FAF2: variants seen among roughly 807,000 people sequenced by gnomAD.
The protein encoded by FAF2 is Fas associated factor family member 2.
In FAF2, 9 loss-of-function variants were observed where a neutral mutation model predicts 62.3. That is an observed-to-expected ratio of 0.14 (90% confidence interval 0.09 to 0.25). FAF2 has a LOEUF of 0.25. Among genes scored for constraint, FAF2 ranks in the 10% least tolerant of loss-of-function variants. The pLI is 1.00. For missense variants in FAF2, 368 were observed against 556.2 expected (o/e 0.66, Z 3.40); for synonymous variants, 202 against 198.0 (o/e 1.02, Z -0.17).
At position 176,494,345 on chromosome 5, in the gene FAF2, A is replaced by C. The variant is rs1759024879; in HGVS notation, c.661+70A>C. 1.6e-6 allele frequency: 2 copies of C among 1,253,480 alleles called. No individual in the cohort carries two copies. Among genetic ancestry groups the C allele is most frequent in the African/African-American group, 2.9e-5 (2 of 68,064 alleles). 77.6% of individuals were successfully genotyped at this position (1,253,480 alleles called of 1,614,324 possible). A position where few individuals can be genotyped will look rare whatever the true frequency, so the allele number is the denominator to read the frequency against. On this transcript the variant is annotated intron_variant, in intron 7 of 10. Coordinates refer to ENST00000261942, the MANE Select transcript of FAF2 (RefSeq NM_014613.3). This position sits in a 1 kb window ranked among gnomAD's most constrained non-coding sequence, Gnocchi z 4.0. ...TTGGAATAGTCTGGAAAGACATGCCATGCCATTTATTACAAGTGTGTTTGT... is the reference window on the plus strand; with the variant it reads ...TTGGAATAGTCTGGAAAGACATGCCCTGCCATTTATTACAAGTGTGTTTGT...
intron 3 of FAF2, among the ~76,000 whole-genome samples, chr5:176,488,000 G>A (rs1279819980): frequency 2.0e-5 from 3 of 151,984 alleles, no homozygotes; most frequent in African/African-American, 7.3e-5. Flanking sequence ...CCACCACCGC[G>A]TCTGGCTAAT....
At chr5:176,449,420 C>A (rs112349760) in intron 1 of FAF2, among the ~76,000 whole-genome samples, 13,478 of 152,202 alleles carry the variant, frequency 0.089, 946 homozygotes, top group East Asian at 0.28. Context: ...ACTAAAAATA[C>A]AAATATTAGC....
intron 1 of FAF2, among the ~76,000 whole-genome samples, chr5:176,456,815 T>C (rs1040107603): frequency 1.3e-5 from 2 of 152,234 alleles, no homozygotes; most frequent in Non-Finnish European, 2.9e-5. Context: ...AAAGTTGAAA[T>C]TTTATGAAAT....
At chr5:176,497,087 A>C (rs1214544832) in intron 8 of FAF2, 1 of 152,962 alleles carries the variant, frequency 6.5e-6, no homozygotes, top group Admixed American at 6.5e-5. Context: ...TCGAGGCAGC[A>C]GTGAGCTCTG....
At chr5:176,460,080 T>C (rs1276721911) in intron 1 of FAF2, among the ~76,000 whole-genome samples, 1 of 152,166 alleles carries the variant, frequency 6.6e-6, no homozygotes, top group East Asian at 1.9e-4. Context: ...TTTTTATGAG[T>C]GCGTGGTATT....
chr5:176,506,207 C>CAAA (rs1402992067), intron 10 of FAF2, among the ~76,000 whole-genome samples: 4 of 108,190 alleles, frequency 3.7e-5, no homozygotes, highest in African/African-American at 1.2e-4. Flanking sequence ...AAAAAAAAAA[C>CAAA]AAAAAAAAAA....
intron 2 of FAF2, among the ~76,000 whole-genome samples, chr5:176,483,806 G>A (rs929957602): frequency 1.2e-4 from 19 of 152,222 alleles, no homozygotes; most frequent in Non-Finnish European, 2.2e-4. Flanking sequence ...GCCGGGTGTG[G>A]TGGCTCACGC....
rs950865942 is a variant in FAF2 at position 176,494,870 on chromosome 5, A to C, written c.661+595A>C. Among the ~76,000 whole-genome samples, 1 of 152,180 alleles carries C rather than the reference A, an allele frequency of 6.6e-6. No individual in the cohort carries two copies. Among genetic ancestry groups the C allele is most frequent in the South Asian group, 2.1e-4 (1 of 4,828 alleles). On this transcript the variant is annotated intron_variant, in intron 7 of 10. Coordinates refer to ENST00000261942, the MANE Select transcript of FAF2 (RefSeq NM_014613.3). The surrounding 1 kb of genome is among the most constrained non-coding windows in gnomAD (Gnocchi z 4.0). ...CCATAATTAGCAAGTTGTAGCGTAC[A>C]GTCGGGTCTGCCAGATTCTAAAGCC... is the stretch of plus-strand genomic sequence containing the variant.
At chr5:176,502,764 T>C (rs1171647988) in intron 10 of FAF2, among the ~76,000 whole-genome samples, 1 of 150,332 alleles carries the variant, frequency 6.7e-6, no homozygotes, top group Non-Finnish European at 1.5e-5. Flanking sequence ...TAAAAAAGAG[T>C]ATCGGCTGGG....
chr5:176,479,914 T>G lies in FAF2; in HGVS notation c.132+658T>G, dbSNP rs545415794. Among the ~76,000 whole-genome samples the G allele has an allele frequency of 9.2e-5, 14 of 152,210 alleles. No homozygotes were observed. In the South Asian group the frequency reaches 2.9e-3, roughly 32 times the overall value. ...TTCACCATGTTGCCTAGGCTGGTCTTGAACTCCTGACCTCAGATGATCCGC... is the reference window on the plus strand; with the variant it reads ...TTCACCATGTTGCCTAGGCTGGTCTGGAACTCCTGACCTCAGATGATCCGC... On this transcript the variant is annotated intron_variant, in intron 2 of 10. Transcript: ENST00000261942.
At chr5:176,486,141 T>C (rs1758869980) in intron 2 of FAF2, among the ~76,000 whole-genome samples, 2 of 152,228 alleles carry the variant, frequency 1.3e-5, no homozygotes, top group Non-Finnish European at 2.9e-5. Context: ...ACAAGTTTCC[T>C]CGTCTCCTCT....
intron 1 of FAF2, among the ~76,000 whole-genome samples, chr5:176,463,750 G>T (rs1758420516): frequency 7.0e-6 from 1 of 143,566 alleles, no homozygotes. Flanking sequence ...TTTTCCTTGA[G>T]ACAGAGTCTT....
At chr5:176,495,686 A>G (rs1759047398) in intron 7 of FAF2, among the ~76,000 whole-genome samples, 2 of 151,790 alleles carry the variant, frequency 1.3e-5, no homozygotes, top group South Asian at 4.2e-4. Flanking sequence ...TAATTTTTGT[A>G]TTTTTTGTAG....
chr5:176,451,006 G>T (rs10051756), intron 1 of FAF2, among the ~76,000 whole-genome samples: 1,747 of 152,192 alleles, frequency 0.011, 46 homozygotes, highest in African/African-American at 0.04. Context: ...TAAACAAACA[G>T]TTGTTGAAAC....
intron 1 of FAF2, among the ~76,000 whole-genome samples, chr5:176,451,380 A>T (rs879505627): frequency 1.9e-4 from 29 of 151,392 alleles, no homozygotes; most frequent in Non-Finnish European, 2.4e-4. Flanking sequence ...CAAAAAAAAA[A>T]TTTTTTTTTA....
chr5:176,465,627 A>G (rs899693732), intron 1 of FAF2, among the ~76,000 whole-genome samples: 1 of 152,194 alleles, frequency 6.6e-6, no homozygotes, highest in Non-Finnish European at 1.5e-5. Context: ...TTGGCCTCCC[A>G]AAGTGCTGAA....
At chr5:176,477,522 G>A (rs1448104401) in intron 1 of FAF2, among the ~76,000 whole-genome samples, 1 of 152,196 alleles carries the variant, frequency 6.6e-6, no homozygotes, top group African/African-American at 2.4e-5. Context: ...AGGCAAATGT[G>A]AAGAGTCCTG....
intron 2 of FAF2, among the ~76,000 whole-genome samples, chr5:176,484,780 A>T (rs1758844399): frequency 6.6e-6 from 1 of 151,906 alleles, no homozygotes; most frequent in Non-Finnish European, 1.5e-5. Context: ...AATCCCAGCT[A>T]CTCGGGAGGC....
intron 1 of FAF2, among the ~76,000 whole-genome samples, chr5:176,461,644 TA>T (rs1758381491): frequency 6.6e-6 from 1 of 151,886 alleles, no homozygotes; most frequent in South Asian, 2.1e-4. Context: ...AGTTTTTTTT[TA>T]ATGGGGTTAT....
Sources: allele counts gnomAD v4.1 joint callset (sites outside exome capture counted in the v4.1 genomes callset), GRCh38; gene constraint gnomAD v4.1.1; non-coding constraint Gnocchi (gnomAD v3.1); transcripts MANE v1.5; gene names NCBI Gene and HGNC (gene_info 2026-07-23, HGNC 2026-07-21).